Variants in TRHDE observed in about 807,000 individuals in gnomAD.
The protein encoded by TRHDE is thyrotropin-releasing hormone-degrading ectoenzyme.
Under a neutral mutation model 125.7 loss-of-function variants are expected in TRHDE, and 72 were observed. That is an observed-to-expected ratio of 0.57 (90% CI 0.47 to 0.70). TRHDE has a LOEUF of 0.70. Ranked by LOEUF, TRHDE falls within the 30% of genes least tolerant of loss-of-function variation. The pLI is 0.00. For synonymous variants in TRHDE, 509 were observed against 509.1 expected (o/e 1.00, Z 0.00); for missense variants, 1,110 against 1,327.1 (o/e 0.84, Z 2.54).
intron 3 of TRHDE, among the ~76,000 whole-genome samples, chr12:72,452,022 T>G (rs2135871473): frequency 6.6e-6 from 1 of 152,264 alleles, no homozygotes; most frequent in African/African-American, 2.4e-5. Flanking sequence ...AGAGACAGGG[T>G]TTCACTATGT....
intron 15 of TRHDE, among the ~76,000 whole-genome samples, chr12:72,639,367 A>T (rs1318203407): frequency 1.0e-4 from 15 of 146,698 alleles, no homozygotes; most frequent in Admixed American, 2.0e-4. Flanking sequence ...AGCTCCTTTA[A>T]GCACTTCTCT....
chr12:72,461,908 A>G (rs1485499227), intron 3 of TRHDE, among the ~76,000 whole-genome samples: 1 of 152,192 alleles, frequency 6.6e-6, no homozygotes, highest in Non-Finnish European at 1.5e-5. Flanking sequence ...AACATTTATC[A>G]TGCTTACTAT....
At chr12:72,158,217 G>T (rs536859606) in intron 2 of TRHDE, among the ~76,000 whole-genome samples, 1 of 152,084 alleles carries the variant, frequency 6.6e-6, no homozygotes, top group Admixed American at 6.6e-5. Flanking sequence ...TTCTGTAAAA[G>T]GGATGAGAGG....
At chr12:72,622,197 G>T (rs995626154) in intron 15 of TRHDE, among the ~76,000 whole-genome samples, 20 of 151,976 alleles carry the variant, frequency 1.3e-4, no homozygotes, top group Admixed American at 1.1e-3. Context: ...ATGAAAAAAA[G>T]ATCTTTCCTT....
chr12:72,267,655 A>G (rs557997908), upstream of TRHDE, among the ~76,000 whole-genome samples: 3 of 152,214 alleles, frequency 2.0e-5, no homozygotes, highest in Admixed American at 1.3e-4. Flanking sequence ...CTAAAAAAAT[A>G]TGTGTAATAA....
At chr12:72,473,502 A>G (rs536997562) in intron 5 of TRHDE, among the ~76,000 whole-genome samples, 68 of 152,244 alleles carry the variant, frequency 4.5e-4, no homozygotes, top group African/African-American at 1.6e-3. Context: ...AATATTTTAA[A>G]TATACAGAAT....
intron 2 of TRHDE, among the ~76,000 whole-genome samples, chr12:72,361,598 C>CAAAGAATAATCTA (rs1871086572): frequency 6.7e-6 from 1 of 150,172 alleles, no homozygotes; most frequent in African/African-American, 2.5e-5. Flanking sequence ...TTTTAGGGTA[C>CAAAGAATAATCTA]ACGTGCACAA....
At chr12:72,368,745 G>C (rs552837032) in intron 2 of TRHDE, among the ~76,000 whole-genome samples, 8 of 152,088 alleles carry the variant, frequency 5.3e-5, no homozygotes, top group Non-Finnish European at 1.0e-4. Context: ...TCCTTAAACA[G>C]TCTTTGATGT....
chr12:72,135,079 A>C (rs994594769), intron 2 of TRHDE, among the ~76,000 whole-genome samples: 4 of 152,198 alleles, frequency 2.6e-5, no homozygotes, highest in Non-Finnish European at 5.9e-5. Context: ...CATGAATGTA[A>C]AAATGCATCA....
At chr12:72,433,519 A>G (rs1480017299) in intron 3 of TRHDE, among the ~76,000 whole-genome samples, 1 of 151,882 alleles carries the variant, frequency 6.6e-6, no homozygotes, top group Non-Finnish European at 1.5e-5. Context: ...CCTTTGCCCT[A>G]TGAGCAAGCT....
chr12:72,200,799 A>G (rs1253119280), intron 2 of TRHDE, among the ~76,000 whole-genome samples: 1 of 152,176 alleles, frequency 6.6e-6, no homozygotes, highest in Non-Finnish European at 1.5e-5. Flanking sequence ...TGTCTAGTAG[A>G]GAAAACAAAA....
At chr12:72,411,077 C>T (rs1490921110) in intron 3 of TRHDE, among the ~76,000 whole-genome samples, 1 of 151,808 alleles carries the variant, frequency 6.6e-6, no homozygotes, top group African/African-American at 2.4e-5. Flanking sequence ...GTGGCAGGCA[C>T]CTGTAGTCCC....
chr12:72,545,334 T>G (rs1439682952), intron 7 of TRHDE, among the ~76,000 whole-genome samples: 1 of 151,532 alleles, frequency 6.6e-6, no homozygotes, highest in Non-Finnish European at 1.5e-5. Flanking sequence ...CATTTCTATC[T>G]CCAGTTAATA....
chr12:72,118,988 C>A (rs1017288262), intron 2 of TRHDE, among the ~76,000 whole-genome samples: 3 of 151,848 alleles, frequency 2.0e-5, no homozygotes, highest in Non-Finnish European at 2.9e-5. Flanking sequence ...TTTAAAAAAA[C>A]CAGCTTTTTG....
intron 2 of TRHDE, among the ~76,000 whole-genome samples, chr12:72,152,894 A>G (rs1447643693): frequency 6.6e-6 from 1 of 152,138 alleles, no homozygotes; most frequent in Non-Finnish European, 1.5e-5. Context: ...TTGGTATCAG[A>G]ATGGTGCTGG....
chr12:72,167,083 T>A (rs1876768558), intron 2 of TRHDE, among the ~76,000 whole-genome samples: 1 of 152,100 alleles, frequency 6.6e-6, no homozygotes, highest in African/African-American at 2.4e-5. Context: ...TCCTTTATGA[T>A]TACTCTCCAA....
At chr12:72,395,143 T>C (rs1349538163) in intron 3 of TRHDE, among the ~76,000 whole-genome samples, 1 of 152,186 alleles carries the variant, frequency 6.6e-6, no homozygotes, top group Non-Finnish European at 1.5e-5. Flanking sequence ...TCTCTTGAAG[T>C]TGTTGCTCCT....
intron 15 of TRHDE, among the ~76,000 whole-genome samples, chr12:72,639,616 T>A (rs1232301645): frequency 1.3e-5 from 2 of 151,990 alleles, no homozygotes; most frequent in South Asian, 4.1e-4. Flanking sequence ...CTCTGTTTTT[T>A]CCCCATCTTT....
At chr12:72,585,029 G>A (rs989535303) in intron 12 of TRHDE, among the ~76,000 whole-genome samples, 2 of 152,090 alleles carry the variant, frequency 1.3e-5, no homozygotes, top group Non-Finnish European at 1.5e-5. Flanking sequence ...TCTGCCTGGT[G>A]CCTGCCATTT....
Sources: allele counts gnomAD v4.1 joint callset (sites outside exome capture counted in the v4.1 genomes callset), GRCh38; gene constraint gnomAD v4.1.1; transcripts MANE v1.5; gene names NCBI Gene and HGNC (gene_info 2026-07-23, HGNC 2026-07-21).